The following KAZN variants were observed in gnomAD, a reference collection of about 807,000 sequenced individuals.
The protein encoded by KAZN is kazrin, periplakin interacting protein, also known as kazrin.
KAZN carries 40 observed loss-of-function variants against 87.4 expected under a neutral mutation model. The ratio of observed to expected loss-of-function variants is 0.46; its 90% CI spans 0.36 to 0.60. The LOEUF is 0.60. Ranked by LOEUF, KAZN falls within the 20% of genes least tolerant of loss-of-function variation. The probability of loss-of-function intolerance (pLI) is 0.00; values close to 1 mark genes in which losing one functional copy is unlikely to be tolerated. For missense variants in KAZN, 898 were observed against 1,073.9 expected, an observed-to-expected ratio of 0.84 and a Z score of 2.29; for synonymous variants, 466 against 458.3, an observed-to-expected ratio of 1.02 and a Z score of -0.22.
chr1:14,666,860 C>T lies in KAZN; in HGVS notation c.226+67637C>T, dbSNP rs561102612. Among the ~76,000 whole-genome samples, 14 of 152,222 alleles carry T rather than the reference C, an allele frequency of 9.2e-5. No individual in the cohort carries two copies. The South Asian group carries it at 2.1e-3, about 23-fold the overall frequency. On this transcript the variant is annotated intron_variant, in intron 1 of 14. Coordinates refer to ENST00000376030, the MANE Select transcript of KAZN (RefSeq NM_201628.3). ...TCAAGTGACTCCTGCCTCAGCCTCC[C>T]GAGTAGCTGGGACTACAGGCGTGCG...
intron 8 of KAZN, among the ~76,000 whole-genome samples, chr1:15,071,070 A>T (rs988708855): frequency 6.6e-6 from 1 of 152,222 alleles, no homozygotes; most frequent in African/African-American, 2.4e-5. Flanking sequence ...ATAAAAGAGT[A>T]TATTCGTAAT....
chr1:14,418,310 C>A lies in KAZN; in HGVS notation c.250-180673C>A, dbSNP rs76911359. Among the ~76,000 whole-genome samples the A allele has an allele frequency of 2.8e-3, 421 of 152,246 alleles. 1 individual carries two copies. Among genetic ancestry groups the A allele is most frequent in the African/African-American group, 9.8e-3 (409 of 41,544 alleles). On this transcript the variant is annotated intron_variant, in intron 2 of 16. Transcript: ENST00000636203. ...TCTAACCTCTCTGAGTGTCCATTTCCTCCCCAGGAAAGTCTCAAGCCATGC... is the reference window on the plus strand; with the variant it reads ...TCTAACCTCTCTGAGTGTCCATTTCATCCCCAGGAAAGTCTCAAGCCATGC...
chr1:14,072,461 G>A (rs1643284717), intron 1 of KAZN, among the ~76,000 whole-genome samples: 1 of 152,092 alleles, frequency 6.6e-6, no homozygotes, highest in African/African-American at 2.4e-5. Context: ...TACCAACTGG[G>A]ATGGCATGGG....
At chr1:13,950,299 A>G (rs944450420) in intron 1 of KAZN, among the ~76,000 whole-genome samples, 1 of 151,972 alleles carries the variant, frequency 6.6e-6, no homozygotes, top group African/African-American at 2.4e-5. Flanking sequence ...CTTCCAGGTC[A>G]CCTCTTCTGG....
Position 15,026,049 on chromosome 1 carries a change from G to A in KAZN, c.419-8700G>A, listed in dbSNP as rs766143736. Among the ~76,000 whole-genome samples the A allele has an allele frequency of 8.5e-5, 13 of 152,154 alleles. 1 individual carries two copies. Among genetic ancestry groups the A allele is most frequent in the South Asian group, 4.1e-4 (2 of 4,820 alleles). ...AAAAAAAACAAATAAACTGCTGTCC[G>A]CCCATCCCAGGACCATAAATTTGTG... is the stretch of plus-strand genomic sequence containing the variant. On this transcript the variant is annotated intron_variant, in intron 2 of 14. Transcript: ENST00000376030.
At chr1:14,258,158 AAC>A (rs1650702611) in intron 2 of KAZN, among the ~76,000 whole-genome samples, 1 of 137,690 alleles carries the variant, frequency 7.3e-6, no homozygotes, top group African/African-American at 2.5e-5. Flanking sequence ...ACTGTCCCAA[AAC>A]TGTCCCAAAA....
rs186830295 is a variant in KAZN, at chr1:14,699,658, G to C, written c.226+100435G>C. 2.0e-5 allele frequency among the ~76,000 whole-genome samples: 3 copies of C among 152,318 alleles called. No individual in the cohort carries two copies. The East Asian group carries it at 5.8e-4, about 29-fold the overall frequency. On this transcript the variant is annotated intron_variant, in intron 1 of 14. Transcript: ENST00000376030. ...CTTGTTTACATTGGGTAGTAGAAAG[G>C]CTTCTTCAAAGAAGTGCCATTTGAG...
chr1:14,835,147 G>A (rs1647188708), intron 1 of KAZN, among the ~76,000 whole-genome samples: 2 of 152,226 alleles, frequency 1.3e-5, no homozygotes, highest in African/African-American at 4.8e-5. Context: ...CCCTCCCCGA[G>A]AGGTATTGTA....
chr1:14,445,799 G>T (rs890062184), intron 2 of KAZN, among the ~76,000 whole-genome samples: 1 of 152,116 alleles, frequency 6.6e-6, no homozygotes, highest in Non-Finnish European at 1.5e-5. Flanking sequence ...AGAGGGAGCC[G>T]GGGTATTCAC....
chr1:14,129,326 C>A (rs1191977259), intron 1 of KAZN, among the ~76,000 whole-genome samples: 1 of 152,248 alleles, frequency 6.6e-6, no homozygotes, highest in Non-Finnish European at 1.5e-5. Flanking sequence ...TACTCGATCC[C>A]TGTGCCCCTA....
At chr1:14,175,336 C>T (rs1403390160) in intron 1 of KAZN, among the ~76,000 whole-genome samples, 1 of 152,214 alleles carries the variant, frequency 6.6e-6, no homozygotes, top group East Asian at 1.9e-4. Flanking sequence ...ATCTCCTGAT[C>T]TCGTGATCCG....
At chr1:14,883,691 C>A (rs1166507374) in intron 1 of KAZN, among the ~76,000 whole-genome samples, 1 of 152,154 alleles carries the variant, frequency 6.6e-6, no homozygotes, top group Admixed American at 6.5e-5. Flanking sequence ...CCTATCAAAG[C>A]CAGCCCATCC....
At chr1:14,704,263 G>C (rs1208438603) in intron 1 of KAZN, among the ~76,000 whole-genome samples, 1 of 152,166 alleles carries the variant, frequency 6.6e-6, no homozygotes, top group African/African-American at 2.4e-5. Flanking sequence ...CCAACCATAA[G>C]GATCCTGTTA....
At chr1:14,253,891 G>T (rs1650269120) in intron 2 of KAZN, among the ~76,000 whole-genome samples, 1 of 146,244 alleles carries the variant, frequency 6.8e-6, no homozygotes, top group East Asian at 2.0e-4. Flanking sequence ...ATCACTGAAT[G>T]CTTAACAAAT....
At chr1:14,809,149 C>T (rs999132539) in intron 1 of KAZN, among the ~76,000 whole-genome samples, 9 of 152,202 alleles carry the variant, frequency 5.9e-5, no homozygotes, top group South Asian at 4.1e-4. Flanking sequence ...AGGAATGGGA[C>T]GCTGAGGGCC....
At chr1:15,073,001 A>G (rs1639580977) in intron 8 of KAZN, among the ~76,000 whole-genome samples, 1 of 152,210 alleles carries the variant, frequency 6.6e-6, no homozygotes, top group African/African-American at 2.4e-5. Flanking sequence ...ACTGTGTTCC[A>G]TGGAACCCCG....
At chr1:14,896,650 T>C (rs1008951705) in intron 1 of KAZN, among the ~76,000 whole-genome samples, 1 of 151,924 alleles carries the variant, frequency 6.6e-6, no homozygotes, top group African/African-American at 2.4e-5. Context: ...GCCTCAAAAC[T>C]CCCAGCAGTG....
At chr1:15,043,446 C>T (rs1464646552) in intron 3 of KAZN, among the ~76,000 whole-genome samples, 1 of 152,162 alleles carries the variant, frequency 6.6e-6, no homozygotes, top group South Asian at 2.1e-4. Flanking sequence ...GGTAGAATGA[C>T]TTCCCCAAAG....
intron 1 of KAZN, among the ~76,000 whole-genome samples, chr1:14,141,228 T>A (rs1645228987): frequency 1.6e-5 from 2 of 125,282 alleles, no homozygotes; most frequent in Admixed American, 9.2e-5. Context: ...GTTGAAGTGA[T>A]TACCATTTAA....
Sources: gnomAD v4.1 joint callset for allele counts (sites outside exome capture counted in the v4.1 genomes callset) on GRCh38, gnomAD v4.1.1 for gene constraint, MANE v1.5 for transcripts, NCBI Gene and HGNC (gene_info 2026-07-23, HGNC 2026-07-21) for gene names.